Variants in RAB38 observed in about 807,000 individuals in gnomAD.
The protein encoded by RAB38 is ras-related protein Rab-38.
In RAB38, 15 loss-of-function variants were observed where a neutral mutation model predicts 18.4. The observed-to-expected ratio is 0.82, with a 90% confidence interval of 0.55 to 1.26. RAB38 has a LOEUF of 1.26. RAB38 is among the 50% of genes most tolerant of loss of function. RAB38 has a pLI of 0.00. For missense variants in RAB38, 294 were observed against 267.4 expected (o/e 1.10, Z -0.69); for synonymous variants, 101 against 104.4 (o/e 0.97, Z 0.20).
chr11:87,923,531 T>G, the RAB38 span, among the ~76,000 whole-genome samples: 7 of 149,608 alleles, frequency 4.7e-5, no homozygotes, highest in East Asian at 1.2e-3. Flanking sequence ...TGCTCCAATG[T>G]AAGAGTCAAT....
At chr11:88,056,141 G>A in the RAB38 span, among the ~76,000 whole-genome samples, 1 of 151,994 alleles carries the variant, frequency 6.6e-6, no homozygotes, top group Non-Finnish European at 1.5e-5. Context: ...GATTAGTATG[G>A]TAATGAAGAA....
At chr11:88,068,685 G>A in the RAB38 span, among the ~76,000 whole-genome samples, 1 of 152,186 alleles carries the variant, frequency 6.6e-6, no homozygotes, top group African/African-American at 2.4e-5. Flanking sequence ...AACATGACAA[G>A]TCAACTTTCT....
the RAB38 span, among the ~76,000 whole-genome samples, chr11:88,090,312 T>C: frequency 6.6e-6 from 1 of 152,008 alleles, no homozygotes; most frequent in African/African-American, 2.4e-5. Flanking sequence ...AGTAGCCTGA[T>C]GGATATCCTA....
the RAB38 span, among the ~76,000 whole-genome samples, chr11:87,886,067 T>C: frequency 6.6e-6 from 1 of 151,946 alleles, no homozygotes; most frequent in African/African-American, 2.4e-5. Context: ...TCTCATTCAC[T>C]TGATACACCG....
At chr11:87,858,712 A>G in the RAB38 span, among the ~76,000 whole-genome samples, 1 of 152,118 alleles carries the variant, frequency 6.6e-6, no homozygotes, top group Non-Finnish European at 1.5e-5. Context: ...GTATTTATAA[A>G]GAAAACAGGA....
chr11:88,147,533 G>A (rs1471275897), intron 2 of RAB38, among the ~76,000 whole-genome samples: 4 of 145,610 alleles, frequency 2.7e-5, no homozygotes, highest in Admixed American at 6.8e-5. Flanking sequence ...GCGCTAAAAG[G>A]AAATGAAAAT....
chr11:87,833,066 T>A, the RAB38 span, among the ~76,000 whole-genome samples: 2 of 152,080 alleles, frequency 1.3e-5, no homozygotes, highest in Non-Finnish European at 2.9e-5. Flanking sequence ...TTCTAAACAG[T>A]TTATCTGCTT....
chr11:87,954,324 A>G, the RAB38 span, among the ~76,000 whole-genome samples: 6 of 152,288 alleles, frequency 3.9e-5, no homozygotes, highest in South Asian at 1.0e-3. Context: ...TTTGAGACTC[A>G]TCACATAATT....
chr11:87,823,749 C>T, the RAB38 span, among the ~76,000 whole-genome samples: 2 of 151,996 alleles, frequency 1.3e-5, no homozygotes, highest in African/African-American at 4.8e-5. Flanking sequence ...CACCCAAATG[C>T]TCATCAATAG....
the RAB38 span, among the ~76,000 whole-genome samples, chr11:88,107,069 G>A: frequency 6.6e-6 from 1 of 151,996 alleles, no homozygotes; most frequent in Non-Finnish European, 1.5e-5. Flanking sequence ...ATGCATCAAG[G>A]GAAACAATAG....
At chr11:87,932,701 C>T in the RAB38 span, among the ~76,000 whole-genome samples, 1 of 152,196 alleles carries the variant, frequency 6.6e-6, no homozygotes, top group East Asian at 1.9e-4. Flanking sequence ...TACAAGCATC[C>T]TCTTCTCCCC....
At chr11:88,028,582 G>A in the RAB38 span, among the ~76,000 whole-genome samples, 1 of 152,206 alleles carries the variant, frequency 6.6e-6, no homozygotes, top group Non-Finnish European at 1.5e-5. Flanking sequence ...CATGAAGAAT[G>A]CAGAAGCCTC....
the RAB38 span, among the ~76,000 whole-genome samples, chr11:87,972,820 C>G: frequency 6.6e-6 from 1 of 152,182 alleles, no homozygotes; most frequent in African/African-American, 2.4e-5. Context: ...TGTCCCCACT[C>G]AAACCTCATG....
intron 1 of RAB38, among the ~76,000 whole-genome samples, chr11:88,161,299 C>T (rs1943187278): frequency 6.6e-6 from 1 of 151,970 alleles, no homozygotes; most frequent in African/African-American, 2.4e-5. Flanking sequence ...GCCTGAATTC[C>T]CTCCTCATCT....
At chr11:88,095,813 T>C in the RAB38 span, among the ~76,000 whole-genome samples, 1 of 151,898 alleles carries the variant, frequency 6.6e-6, no homozygotes, top group African/African-American at 2.4e-5. Flanking sequence ...TCACAGCTTT[T>C]GCAGTTACTC....
chr11:88,015,985 G>T, the RAB38 span, among the ~76,000 whole-genome samples: 90 of 152,162 alleles, frequency 5.9e-4, no homozygotes, highest in Admixed American at 1.2e-3. Flanking sequence ...TCCCAATGGG[G>T]TAGCCCTTGT....
Position 88,175,430 on chromosome 11 carries a change from C to G in RAB38, c.-46G>C. ...GCCGTGCCTGACCAGGGAAGCGCAG[C>G]CTGGGCTCTGCGCACGAGAGAGACT... On this transcript the variant is annotated 5_prime_UTR_variant, in exon 1 of 3. Coordinates refer to ENST00000243662, the MANE Select transcript of RAB38 (RefSeq NM_022337.3). 6.3e-7 allele frequency: 1 copy of G among 1,581,112 alleles called. No homozygotes were observed. The highest frequency in any genetic ancestry group is 1.3e-5 in the African/African-American group (1 of 74,158).
In RAB38 at chr11:88,135,523, G is replaced by A. The variant is rs186231936; in HGVS notation, c.483+14152C>T. 3.1e-3 allele frequency among the ~76,000 whole-genome samples: 465 copies of A among 152,342 alleles called. 2 individuals carry two copies. The highest frequency in any genetic ancestry group is 0.01 in the African/African-American group (423 of 41,578). ...TTCTTGTGTTTCCATGCAAATGGTA[G>A]AGAAGATATATAATGGCATGCCACT... On this transcript the variant is annotated intron_variant, in intron 2 of 2. Transcript: ENST00000243662.
chr11:88,093,653 G>T, the RAB38 span, among the ~76,000 whole-genome samples: 1 of 151,820 alleles, frequency 6.6e-6, no homozygotes, highest in Non-Finnish European at 1.5e-5. Flanking sequence ...AGCCAGAAAG[G>T]GCTTTCTAAA....
Sources: allele counts gnomAD v4.1 joint callset (sites outside exome capture counted in the v4.1 genomes callset), GRCh38; gene constraint gnomAD v4.1.1; transcripts MANE v1.5; gene names NCBI Gene and HGNC (gene_info 2026-07-23, HGNC 2026-07-21).